The following PERM1 variants were observed in gnomAD, a reference collection of about 807,000 sequenced individuals.
The protein encoded by PERM1 is PPARGC1 and ESRR induced regulator, muscle 1.
Under a neutral mutation model 44.1 loss-of-function variants are expected in PERM1, and 45 were observed. That is an observed-to-expected ratio of 1.02 (90% confidence interval 0.80 to 1.31). The LOEUF is 1.31. PERM1 is among the 50% of genes most tolerant of loss of function. The pLI is 0.00. For missense variants in PERM1, 1,189 were observed against 1,106.9 expected (o/e 1.07, Z -1.05); for synonymous variants, 565 against 477.1 (o/e 1.18, Z -2.40).
chr1:981,148 C>T, upstream of PERM1: 2 of 1,548,922 alleles, frequency 1.3e-6, no homozygotes, highest in South Asian at 1.2e-5. Context: ...TGGGAGCTCC[C>T]ACCGCCTCGG....
Position 980,007 on chromosome 1 carries a change from CGT to C in PERM1, c.1021_1022del (p.Thr341GlyfsTer10). The C allele has an allele frequency of 1.3e-6, 2 of 1,548,500 alleles. No homozygotes were observed. The highest frequency in any genetic ancestry group is 1.7e-6 in the Non-Finnish European group (2 of 1,146,652). On this transcript the variant is annotated frameshift_variant, in exon 1 of 3. Coordinates refer to ENST00000433179, the Ensembl canonical transcript of PERM1. LOFTEE classifies it high-confidence loss of function. ...AGGCAGGTGTAGACACAGCCATGTC[CGT>C]GTCAGGTTGCGGCTCAGAGGCAGGT...
chr1:979,750 G>T lies in PERM1; in HGVS notation c.1280C>A (p.Ser427Ter), dbSNP rs965100478. ...CACAGCCTCCGAGACAGGTGGAGATGAAGCCACCTCTAGCTTAGCCACTGG... is the reference window on the plus strand; with the variant it reads ...CACAGCCTCCGAGACAGGTGGAGATTAAGCCACCTCTAGCTTAGCCACTGG... The change falls in exon 1 of 3, where the codon TCA becomes TAA. Residue 427 changes from serine (S) to a stop codon, truncating the protein, a stop_gained. Coordinates refer to ENST00000433179, the Ensembl canonical transcript of PERM1. LOFTEE classifies it high-confidence loss of function. 6.5e-7 allele frequency: 1 copy of T among 1,550,230 alleles called. No homozygotes were observed. Among genetic ancestry groups the T allele is most frequent in the African/African-American group, 1.4e-5 (1 of 73,066 alleles).
In PERM1 at chr1:979,418, GCC is replaced by G. The variant is rs1162604496; in HGVS notation, c.1610_1611del (p.Gly537AlafsTer53). On this transcript the variant is annotated frameshift_variant, in exon 1 of 3. Transcript: ENST00000433179. LOFTEE classifies it high-confidence loss of function. ...ACAGCCACAGCCTCCCAGGCTCCGGGCCCCCCGTGGGCCCCAGTTGCTGTCTG... is the reference window on the plus strand; with the variant it reads ...ACAGCCACAGCCTCCCAGGCTCCGGGCCCCGTGGGCCCCAGTTGCTGTCTG... 5.9e-6 allele frequency: 9 copies of G among 1,525,610 alleles called. No homozygotes were observed. Among genetic ancestry groups the G allele is most frequent in the Non-Finnish European group, 7.9e-6 (9 of 1,136,096 alleles). The allele number at this position is 1,525,610 out of a possible 1,614,324, so 94.5% of individuals were successfully genotyped here.
exon 1 of PERM1, chr1:980,855 G>A (rs995906060): frequency 1.4e-6 from 2 of 1,403,044 alleles, no homozygotes; most frequent in Non-Finnish European, 1.8e-6. Flanking sequence ...CCAGTTGGGA[G>A]AGGTGGGGCC....
exon 1 of PERM1, chr1:979,983 G>A (rs1355595080): frequency 6.5e-7 from 1 of 1,549,132 alleles, no homozygotes; most frequent in Non-Finnish European, 8.7e-7. Flanking sequence ...GCGGCTCAGA[G>A]GCAGGTGTAG....
exon 1 of PERM1, chr1:980,687 G>A (rs1239280205): frequency 7.0e-7 from 1 of 1,425,886 alleles, no homozygotes; most frequent in Non-Finnish European, 9.1e-7. Flanking sequence ...CCGGGGCCGA[G>A]GGACGGTGGA....
At chr1:979,509 G>A (rs760961811) in exon 1 of PERM1, 21 of 1,549,946 alleles carry the variant, frequency 1.4e-5, no homozygotes, top group African/African-American at 2.7e-5. Context: ...GCCCAGCCAC[G>A]GAGAAGCGCA....
exon 3 of PERM1, chr1:976,060 G>A: frequency 9.3e-7 from 1 of 1,080,460 alleles, no homozygotes. Context: ...CCCCCTCCTG[G>A]ACGCGGTAGA....
chr1:980,315 C>A, exon 1 of PERM1: 1 of 1,550,306 alleles, frequency 6.5e-7, no homozygotes, highest in Non-Finnish European at 8.7e-7. Context: ...GACCTGGGGC[C>A]AGGCTCAGGA....
At chr1:979,539 T>G (rs1214345668) in exon 1 of PERM1, 1 of 1,549,982 alleles carries the variant, frequency 6.5e-7, no homozygotes, top group Non-Finnish European at 8.7e-7. Flanking sequence ...TCCTGGGGAC[T>G]TGGGTGAGAC....
At chr1:979,538 C>G (rs762822387) in exon 1 of PERM1, 1 of 1,550,004 alleles carries the variant, frequency 6.5e-7, no homozygotes, top group South Asian at 1.2e-5. Context: ...TTCCTGGGGA[C>G]TTGGGTGAGA....
exon 1 of PERM1, chr1:979,967 C>G (rs1422069426): frequency 6.5e-7 from 1 of 1,549,982 alleles, no homozygotes; most frequent in Middle Eastern, 1.7e-4. Context: ...ATGTCCCTGT[C>G]AGGTTGCGGC....
exon 1 of PERM1, chr1:978,884 C>G: frequency 6.7e-7 from 1 of 1,484,498 alleles, no homozygotes; most frequent in Non-Finnish European, 9.0e-7. Context: ...CACGTACCTG[C>G]CCGTCTAAGA....
exon 1 of PERM1, chr1:979,000 G>C: frequency 6.5e-7 from 1 of 1,529,706 alleles, no homozygotes; most frequent in Non-Finnish European, 8.8e-7. Flanking sequence ...GAGCGGGACA[G>C]CCGGCCCCAG....
At chr1:981,209 C>T (rs1472635971), upstream of PERM1, 13 of 1,534,208 alleles carry the variant, frequency 8.5e-6, no homozygotes, top group Admixed American at 6.4e-5. Context: ...AGGGGAGGGC[C>T]GCGCTTCCTT....
At chr1:976,361 G>T in intron 2 of PERM1, 92 bp from the exon 4 acceptor site, 1 of 1,477,944 alleles carries the variant, frequency 6.8e-7, no homozygotes, top group Non-Finnish European at 9.0e-7. Context: ...GGGCAAGGTC[G>T]GTGCGGCCAG....
chr1:976,256 G>A (rs535219403), exon 3 of PERM1: 4 of 1,525,222 alleles, frequency 2.6e-6, no homozygotes, highest in East Asian at 2.5e-5. Flanking sequence ...TGGTGCCGAC[G>A]TTGGCCAGCA....
chr1:980,123 G>A (rs1257737600), exon 1 of PERM1: 1 of 1,550,354 alleles, frequency 6.5e-7, no homozygotes, highest in Non-Finnish European at 8.7e-7. Context: ...TCGGAGGCAG[G>A]TGTAGACACA....
At chr1:981,061 G>C, upstream of PERM1, 2 of 1,544,062 alleles carry the variant, frequency 1.3e-6, no homozygotes, top group Non-Finnish European at 1.7e-6. Context: ...GAGGGTAGCA[G>C]AATGGGTCCG....
Sources: allele counts gnomAD v4.1 joint callset, GRCh38; gene constraint gnomAD v4.1.1; transcripts MANE v1.5; gene names NCBI Gene and HGNC (gene_info 2026-07-23, HGNC 2026-07-21).